The following ARHGAP32 variants were observed in gnomAD, a reference collection of about 807,000 sequenced individuals.
ARHGAP32 encodes rho GTPase-activating protein 32.
In ARHGAP32, 51 loss-of-function variants were observed where a neutral mutation model predicts 186.5. The observed-to-expected ratio is 0.27, with a 90% confidence interval of 0.22 to 0.35. ARHGAP32 has a LOEUF of 0.35. Among genes scored for constraint, ARHGAP32 ranks in the 10% least tolerant of loss-of-function variants. The pLI, the probability that ARHGAP32 is intolerant of heterozygous loss-of-function variation, is 1.00. For missense variants in ARHGAP32, 2,186 were observed against 2,623.5 expected (o/e 0.83, Z 3.64); for synonymous variants, 950 against 964.3 (o/e 0.99, Z 0.27).
intron 1 of ARHGAP32, among the ~76,000 whole-genome samples, chr11:129,237,401 A>G (rs1359089712): frequency 6.6e-6 from 1 of 152,202 alleles, no homozygotes; most frequent in East Asian, 1.9e-4. Flanking sequence ...CAGAAAACAA[A>G]ATCTTTGCTC....
chr11:129,045,224 C>T (rs1305264026), intron 10 of ARHGAP32, among the ~76,000 whole-genome samples: 1 of 152,216 alleles, frequency 6.6e-6, no homozygotes, highest in Non-Finnish European at 1.5e-5. Context: ...TGCTACTATC[C>T]TGTCTCCTCC....
chr11:129,128,862 GACGGA>G (rs1480096335), intron 2 of ARHGAP32, among the ~76,000 whole-genome samples: 5 of 152,238 alleles, frequency 3.3e-5, no homozygotes, highest in Non-Finnish European at 7.3e-5. Flanking sequence ...CGGGATTGCA[GACGGA>G]GTCTCGCTCA....
chr11:129,189,546 C>G (rs924394809), intron 1 of ARHGAP32, among the ~76,000 whole-genome samples: 1 of 152,136 alleles, frequency 6.6e-6, no homozygotes, highest in Non-Finnish European at 1.5e-5. Flanking sequence ...TTCTAATCAT[C>G]TCTAGGAACT....
At chr11:129,214,695 T>C (rs1944623319) in intron 1 of ARHGAP32, among the ~76,000 whole-genome samples, 1 of 152,224 alleles carries the variant, frequency 6.6e-6, no homozygotes, top group Non-Finnish European at 1.5e-5. Flanking sequence ...AATTGATACA[T>C]GAGGGAACAA....
At chr11:129,023,077 G>A (rs573711579) in intron 11 of ARHGAP32, among the ~76,000 whole-genome samples, 2 of 151,740 alleles carry the variant, frequency 1.3e-5, no homozygotes, top group Non-Finnish European at 2.9e-5. Flanking sequence ...AAAGAAAAAT[G>A]TTCAACCTCT....
intron 15 of ARHGAP32, 22 bp downstream of exon 15, chr11:128,985,981 G>A (rs1466613655): frequency 1.3e-6 from 2 of 1,588,200 alleles, no homozygotes; most frequent in East Asian, 4.7e-5. Context: ...CCTCTGCCTG[G>A]TATTTACCCA....
chr11:129,077,532 C>T (rs1042604979), intron 6 of ARHGAP32, among the ~76,000 whole-genome samples: 1 of 152,090 alleles, frequency 6.6e-6, no homozygotes, highest in African/African-American at 2.4e-5. Context: ...CAACTTTCCC[C>T]AACTTCCCTA....
At chr11:128,990,344 G>A (rs188151491) in intron 12 of ARHGAP32, among the ~76,000 whole-genome samples, 7 of 152,264 alleles carry the variant, frequency 4.6e-5, no homozygotes, top group Admixed American at 4.6e-4. Context: ...GGCTCTTCAA[G>A]AGCAAAACCA....
chr11:129,003,622 T>C (rs889221800), intron 11 of ARHGAP32, among the ~76,000 whole-genome samples: 11 of 152,192 alleles, frequency 7.2e-5, no homozygotes, highest in Non-Finnish European at 4.4e-5. Context: ...AGGCTGAACA[T>C]GTCTAGGAGT....
chr11:129,027,078 A>C (rs1475137887), intron 11 of ARHGAP32, among the ~76,000 whole-genome samples: 1 of 150,572 alleles, frequency 6.6e-6, no homozygotes, highest in Non-Finnish European at 1.5e-5. Context: ...CAGCCTGGGC[A>C]ACAGCGCAAG....
rs944059685 is a variant in ARHGAP32 at position 129,030,733 on chromosome 11, T to C, written c.1045+10195A>G. The stretch of plus-strand genomic sequence containing the variant: ...ACTACTGTAATGAATGTTTCCTTCA[T>C]GTACTGTGATATAGTTTAGATATTT... On this transcript the variant is annotated intron_variant, in intron 11 of 22. Transcript: ENST00000682385. Among the ~76,000 whole-genome samples, 8 of 152,232 alleles carry C rather than the reference T, an allele frequency of 5.3e-5. No homozygotes were observed. In the East Asian group the frequency reaches 1.3e-3, roughly 26 times the overall value.
Position 128,970,187 on chromosome 11 carries a change from T to G in ARHGAP32, c.5026A>C (p.Ser1676Arg), listed in dbSNP as rs1443274375. The G allele has an allele frequency of 1.2e-6, 2 of 1,614,186 alleles. No homozygotes were observed. Among genetic ancestry groups the G allele is most frequent in the Non-Finnish European group, 1.7e-6 (2 of 1,180,032 alleles). ...ACATCACACAGGGCCCCATCTGGAC[T>G]GTAATAGGAACTAGAAGAACTGGAA... ...PYSSSSSSYYSPDGALCDVDA... is the reference protein window; with the variant it reads ...PYSSSSSSYYRPDGALCDVDA... The change falls in exon 23 of 23, where the codon AGT becomes CGT. Residue 1676 changes from serine to arginine, a missense_variant. Ser to Arg is a moderately radical substitution (Grantham distance 110). Transcript: ENST00000682385. This position sits in a 1 kb window ranked among gnomAD's most constrained non-coding sequence, Gnocchi z 5.8.
At chr11:129,216,208 C>CTGCAAAACCTGT (rs1944642641) in intron 1 of ARHGAP32, among the ~76,000 whole-genome samples, 2 of 152,046 alleles carry the variant, frequency 1.3e-5, no homozygotes, top group African/African-American at 4.8e-5. Context: ...ACAAACACAC[C>CTGCAAAACCTGT]ATGCAGAGTA....
rs113273979 is a variant in ARHGAP32 at position 129,153,795 on chromosome 11, A to G, written c.225+10524T>C. On this transcript the variant is annotated intron_variant, in intron 2 of 22. Coordinates refer to ENST00000682385, the MANE Select transcript of ARHGAP32 (RefSeq NM_001378024.1). ...CCATAAAAATTTAGAAGATAATATC[A>G]GAAAAACTCTTCTAGACATTGGCTT... Among the ~76,000 whole-genome samples, 251 of 152,254 alleles carry G rather than the reference A, an allele frequency of 1.6e-3. 1 individual carries two copies. The highest frequency in any genetic ancestry group is 5.6e-3 in the African/African-American group (233 of 41,580).
At chr11:129,065,155 G>A (rs1181255528) in intron 7 of ARHGAP32, among the ~76,000 whole-genome samples, 1 of 152,092 alleles carries the variant, frequency 6.6e-6, no homozygotes, top group Admixed American at 6.6e-5. Flanking sequence ...TATCATCAGC[G>A]ATCATACTAT....
At position 129,174,156 on chromosome 11, in the gene ARHGAP32, T is replaced by A. The variant is rs184478206; in HGVS notation, c.117-9729A>T. 1.6e-4 allele frequency among the ~76,000 whole-genome samples: 25 copies of A among 152,288 alleles called. No homozygotes were observed. The East Asian group carries it at 4.6e-3, about 28-fold the overall frequency. On this transcript the variant is annotated intron_variant, in intron 1 of 22. Transcript: ENST00000682385. ...AGCGCAGAGGGTCAGGGAGTTCCCTTTCCTAGTCAAAGAAAGGGGTGACAG... is the reference window on the plus strand; with the variant it reads ...AGCGCAGAGGGTCAGGGAGTTCCCTATCCTAGTCAAAGAAAGGGGTGACAG...
intron 12 of ARHGAP32, among the ~76,000 whole-genome samples, chr11:128,990,913 C>T (rs1009052977): frequency 2.0e-5 from 3 of 152,140 alleles, no homozygotes; most frequent in African/African-American, 7.2e-5. Context: ...GAAGATGCTT[C>T]TCATTATATA....
chr11:129,036,884 C>G (rs1939364256), intron 11 of ARHGAP32, among the ~76,000 whole-genome samples: 1 of 151,932 alleles, frequency 6.6e-6, no homozygotes, highest in Non-Finnish European at 1.5e-5. Flanking sequence ...TGGGCAAGAA[C>G]AATAAAAAGA....
chr11:129,027,888 T>C (rs1333885250), intron 11 of ARHGAP32, among the ~76,000 whole-genome samples: 1 of 152,212 alleles, frequency 6.6e-6, no homozygotes, highest in African/African-American at 2.4e-5. Context: ...GTTTTAGCCA[T>C]AGCACTTAGT....
Sources: allele counts gnomAD v4.1 joint callset (sites outside exome capture counted in the v4.1 genomes callset), GRCh38; gene constraint gnomAD v4.1.1; non-coding constraint Gnocchi (gnomAD v3.1); transcripts MANE v1.5; gene names NCBI Gene and HGNC (gene_info 2026-07-23, HGNC 2026-07-21).